ZNF395: variants seen among roughly 807,000 people sequenced by gnomAD.
The protein encoded by ZNF395 is HD gene regulatory region-binding protein 2.
Under a neutral mutation model 57.7 loss-of-function variants are expected in ZNF395, and 20 were observed. The ratio of observed to expected loss-of-function variants is 0.35; its 90% CI spans 0.24 to 0.50. The LOEUF (loss-of-function observed/expected upper bound fraction) is 0.50. Among genes scored for constraint, ZNF395 ranks in the 20% least tolerant of loss-of-function variants. The pLI, the probability that ZNF395 is intolerant of heterozygous loss-of-function variation, is 0.97. For synonymous variants in ZNF395, 295 were observed against 275.9 expected (o/e 1.07, Z -0.69); for missense variants, 606 against 671.2 (o/e 0.90, Z 1.07).
At chr8:28,381,161 C>CCTCCCGA (rs1295202380) in intron 1 of ZNF395, among the ~76,000 whole-genome samples, 2 of 152,094 alleles carry the variant, frequency 1.3e-5, no homozygotes, top group African/African-American at 4.8e-5. Context: ...CTTGCCTCAG[C>CCTCCCGA]CTCCCGAGCA....
chr8:28,382,412 A>T lies in ZNF395; in HGVS notation c.-59+3981T>A, dbSNP rs1802120394. ...CAACTTGATTTCTCCCTAATCTCTA[A>T]CAAGAACCCTCTGTTCTTCTCTCTC... On this transcript the variant is annotated intron_variant, in intron 1 of 9. Coordinates refer to ENST00000344423, the MANE Select transcript of ZNF395 (RefSeq NM_018660.3). Among the ~76,000 whole-genome samples the T allele has an allele frequency of 1.3e-5, 2 of 152,134 alleles. 1 individual carries two copies. The highest frequency in any genetic ancestry group is 4.1e-4 in the South Asian group (2 of 4,828).
rs199818240 is a variant in ZNF395, at chr8:28,351,587, G to A, written c.1141C>T (p.His381Tyr). ...GGCAGGGAGGACTCCGGGCCAGGATGTTCTGGGCCGGAGGACTGGGCTTTG... is the reference window on the plus strand; with the variant it reads ...GGCAGGGAGGACTCCGGGCCAGGATATTCTGGGCCGGAGGACTGGGCTTTG... ...LHKAQSSGPE[H>Y]PGPESSLPSG... Residue 381 changes from histidine (H) to tyrosine (Y), a missense_variant, in exon 7 of 10, where the codon CAT becomes TAT. Physicochemically the swap from His to Tyr is moderately conservative, Grantham distance 83. Transcript: ENST00000344423. 15 of 1,613,798 alleles carry A rather than the reference G, an allele frequency of 9.3e-6. No homozygotes were observed. In the Admixed American group the frequency reaches 1.2e-4, roughly 13 times the overall value.
rs1447336589 is a variant in ZNF395, at chr8:28,348,561, G to C, written c.*158C>G. On this transcript the variant is annotated 3_prime_UTR_variant, in exon 10 of 10. Coordinates refer to ENST00000344423, the MANE Select transcript of ZNF395 (RefSeq NM_018660.3). ...TAAAAAATAAAATGTTCGCACAATGGGAGAAAATTGCTTTAAGTGTTACAC... is the reference window on the plus strand; with the variant it reads ...TAAAAAATAAAATGTTCGCACAATGCGAGAAAATTGCTTTAAGTGTTACAC... 3.1e-6 allele frequency: 2 copies of C among 643,310 alleles called. No homozygotes were observed. Among genetic ancestry groups the C allele is most frequent in the Non-Finnish European group, 5.5e-6 (2 of 362,724 alleles). The allele number at this position is 643,310 out of a possible 1,614,324, so 39.9% of individuals were successfully genotyped here. A position where few individuals can be genotyped will look rare whatever the true frequency, so the allele number is the denominator to read the frequency against.
chr8:28,351,950 C>A (rs893571583), intron 6 of ZNF395, 143 bp from the exon 7 acceptor site: 3 of 890,624 alleles, frequency 3.4e-6, no homozygotes, highest in Non-Finnish European at 5.1e-6. Flanking sequence ...AGGTGCCTCG[C>A]TCCTGACGGG....
chr8:28,367,954 T>C lies in ZNF395; in HGVS notation c.-58-6772A>G, dbSNP rs565787629. 9.2e-5 allele frequency among the ~76,000 whole-genome samples: 14 copies of C among 152,278 alleles called. No individual in the cohort carries two copies. In the South Asian group the frequency reaches 2.9e-3, roughly 32 times the overall value. Reference sequence around the variant, plus strand: ...AAACAGGTAGACAGAAGGAAGCAGGTATAAGCAGGACTATGCTGACAGATG... The same window carrying C: ...AAACAGGTAGACAGAAGGAAGCAGGCATAAGCAGGACTATGCTGACAGATG... On this transcript the variant is annotated intron_variant, in intron 1 of 9. Coordinates refer to ENST00000344423, the MANE Select transcript of ZNF395 (RefSeq NM_018660.3).
intron 1 of ZNF395, among the ~76,000 whole-genome samples, chr8:28,385,778 C>T (rs1465651654): frequency 6.8e-6 from 1 of 147,606 alleles, no homozygotes; most frequent in East Asian, 2.0e-4. Flanking sequence ...GTGGGGGCGC[C>T]GGCGGAGGGC....
In ZNF395 at chr8:28,349,106, A is replaced by G. The variant is rs761474660; in HGVS notation, c.1430+19T>C. 1.9e-6 allele frequency: 3 copies of G among 1,560,124 alleles called. No homozygotes were observed. Among genetic ancestry groups the G allele is most frequent in the South Asian group, 1.2e-5 (1 of 82,640 alleles). ...GGGCACAGAAACCAGAAGGCAGGGG[A>G]CGACAGCGGACATCTCACCTGGCAC... On this transcript the variant is annotated intron_variant, in intron 9 of 9. Transcript: ENST00000344423.
intron 1 of ZNF395, among the ~76,000 whole-genome samples, chr8:28,382,889 T>C (rs2130001664): frequency 6.6e-6 from 1 of 152,170 alleles, no homozygotes; most frequent in East Asian, 1.9e-4. Flanking sequence ...GACTAGAAAA[T>C]AGAAATGTCA....
At chr8:28,355,248 C>T (rs1007076391) in intron 4 of ZNF395, among the ~76,000 whole-genome samples, 1 of 152,152 alleles carries the variant, frequency 6.6e-6, no homozygotes, top group Non-Finnish European at 1.5e-5. Context: ...GCCATCCTAA[C>T]CACACAGAAA....
At position 28,349,100 on chromosome 8, in the gene ZNF395, CAG is replaced by C. The variant is rs762452398; in HGVS notation, c.1430+23_1430+24del. ...GAGACAGGGCACAGAAACCAGAAGG[CAG>C]GGGACGACAGCGGACATCTCACCTG... On this transcript the variant is annotated intron_variant, in intron 9 of 9. Coordinates refer to ENST00000344423, the MANE Select transcript of ZNF395 (RefSeq NM_018660.3). The C allele has an allele frequency of 3.2e-6, 5 of 1,556,762 alleles. No individual in the cohort carries two copies. The South Asian group carries it at 6.1e-5, about 19-fold the overall frequency.
rs1248468332 is a variant in ZNF395 at position 28,346,942 on chromosome 8, CA to C, written c.*1776del. The C allele has an allele frequency of 1.3e-5, 2 of 150,334 alleles. No homozygotes were observed. Among genetic ancestry groups the C allele is most frequent in the African/African-American group, 4.9e-5 (2 of 40,980 alleles). The allele number at this position is 150,334 out of a possible 1,614,324, so 9.3% of individuals were successfully genotyped here. A position where few individuals can be genotyped will look rare whatever the true frequency, so the allele number is the denominator to read the frequency against. ...TTACCAAGAGACAGAATTCCACATA[CA>C]TTTTTTTTTTTTTACTAAGTTATAA... On this transcript the variant is annotated 3_prime_UTR_variant, in exon 10 of 10. Transcript: ENST00000344423.
intron 1 of ZNF395, among the ~76,000 whole-genome samples, chr8:28,371,696 T>C (rs184170434): frequency 5.0e-4 from 76 of 152,290 alleles, no homozygotes; most frequent in Non-Finnish European, 8.1e-4. Context: ...ACAATTCTTC[T>C]TATTTCACCC....
chr8:28,349,963 GTGGCCAC>G (rs1261690824), intron 8 of ZNF395, 94 bp downstream of exon 8: 2 of 1,084,070 alleles, frequency 1.8e-6, no homozygotes, highest in Non-Finnish European at 2.5e-6. Context: ...ACACCGACCT[GTGGCCAC>G]GTGCCCCGTG....
intron 1 of ZNF395, among the ~76,000 whole-genome samples, chr8:28,376,406 G>A (rs1224842744): frequency 6.6e-6 from 1 of 152,018 alleles, no homozygotes; most frequent in East Asian, 1.9e-4. Flanking sequence ...GATCACCTGA[G>A]GTCAGTTCAA....
At chr8:28,374,328 T>C (rs969491476) in intron 1 of ZNF395, among the ~76,000 whole-genome samples, 5 of 152,194 alleles carry the variant, frequency 3.3e-5, no homozygotes, top group Admixed American at 1.3e-4. Flanking sequence ...AGCAAGTCCA[T>C]GAAAGTGCTG....
At chr8:28,376,599 C>A (rs1020713159) in intron 1 of ZNF395, among the ~76,000 whole-genome samples, 12 of 151,864 alleles carry the variant, frequency 7.9e-5, no homozygotes, top group Non-Finnish European at 1.2e-4. Context: ...CCAGCCTGGG[C>A]AACAGAGCAA....
intron 7 of ZNF395, 79 bp from the exon 8 acceptor site, chr8:28,350,235 G>A: frequency 1.6e-6 from 2 of 1,212,670 alleles, no homozygotes; most frequent in Non-Finnish European, 2.3e-6. Context: ...ACAGCCTCAT[G>A]ACAGCAGCAG....
rs73668444 is a variant in ZNF395 at position 28,368,002 on chromosome 8, T to G, written c.-58-6820A>C. ...ATGTCTGGGTGAGGGGACGCAGTTG[T>G]CCTGCAGTGTTTTTGTAAATGCATG... On this transcript the variant is annotated intron_variant, in intron 1 of 9. Transcript: ENST00000344423. 1.4e-3 allele frequency among the ~76,000 whole-genome samples: 217 copies of G among 152,344 alleles called. 1 individual carries two copies. The highest frequency in any genetic ancestry group is 5.0e-3 in the African/African-American group (207 of 41,578).
chr8:28,356,886 ACTT>A lies in ZNF395; in HGVS notation c.474-110_474-108del. The A allele has an allele frequency of 1.2e-6, 1 of 831,888 alleles. No individual in the cohort carries two copies. Among genetic ancestry groups the A allele is most frequent in the Non-Finnish European group, 1.9e-6 (1 of 523,070 alleles). 51.5% of individuals were successfully genotyped at this position (831,888 alleles called of 1,614,324 possible). A position where few individuals can be genotyped will look rare whatever the true frequency, so the allele number is the denominator to read the frequency against. ...GGCTGGTTTCACACAATCATCTTACACTTCTGGACTGTCCCCTCCAAGTGCCCC... is the reference window on the plus strand; with the variant it reads ...GGCTGGTTTCACACAATCATCTTACACTGGACTGTCCCCTCCAAGTGCCCC... On this transcript the variant is annotated intron_variant, in intron 3 of 9. Coordinates refer to ENST00000344423, the MANE Select transcript of ZNF395 (RefSeq NM_018660.3). This position sits in a 1 kb window ranked among gnomAD's most constrained non-coding sequence, Gnocchi z 4.0.
Sources: allele counts gnomAD v4.1 joint callset (sites outside exome capture counted in the v4.1 genomes callset), GRCh38; gene constraint gnomAD v4.1.1; non-coding constraint Gnocchi (gnomAD v3.1); transcripts MANE v1.5; gene names NCBI Gene and HGNC (gene_info 2026-07-23, HGNC 2026-07-21).